Variants in CBL observed in about 807,000 individuals in gnomAD.
The protein encoded by CBL is Cbl proto-oncogene.
Under a neutral mutation model 96.9 loss-of-function variants are expected in CBL, and 45 were observed. The observed-to-expected ratio is 0.46, with a 90% CI of 0.37 to 0.60. The LOEUF (loss-of-function observed/expected upper bound fraction) is 0.60. Ranked by LOEUF, CBL falls within the 20% of genes least tolerant of loss-of-function variation. The pLI, the probability that CBL is intolerant of heterozygous loss-of-function variation, is 0.00. For missense variants in CBL, 1,024 were observed against 1,143.5 expected, an observed-to-expected ratio of 0.90 and a Z score of 1.51; for synonymous variants, 420 against 426.8, an observed-to-expected ratio of 0.98 and a Z score of 0.20.
intron 1 of CBL, among the ~76,000 whole-genome samples, chr11:119,228,418 C>T (rs952859831): frequency 1.2e-4 from 18 of 152,068 alleles, no homozygotes. Context: ...CCAGCCTGGC[C>T]AACATGGTGA....
rs767415438 is a variant in CBL, at chr11:119,300,144, G to A, written c.*363G>A. The A allele has an allele frequency of 1.9e-5, 9 of 467,214 alleles. No homozygotes were observed. The highest frequency in any genetic ancestry group is 1.3e-4 in the South Asian group (4 of 31,804). The allele number at this position is 467,214 out of a possible 1,614,324, so 28.9% of individuals were successfully genotyped here. ...GACTTCCTGGGTTAAGGATGTGGCC[G>A]TGTGTGTGTGTGTCTGCCTGTGGTT... On this transcript the variant is annotated 3_prime_UTR_variant, in exon 16 of 16. Transcript: ENST00000264033.
At chr11:119,275,082 G>A (rs1352945112) in intron 5 of CBL, 129 bp downstream of exon 5, 2 of 909,596 alleles carry the variant, frequency 2.2e-6, no homozygotes, top group African/African-American at 3.3e-5. Context: ...ATTGATACCT[G>A]TTTATCAGAC....
At position 119,206,384 on chromosome 11, in the gene CBL, G is replaced by A; in HGVS notation, c.-34G>A. On this transcript the variant is annotated 5_prime_UTR_variant, in exon 1 of 16. Coordinates refer to ENST00000264033, the MANE Select transcript of CBL (RefSeq NM_005188.4). Reference sequence around the variant, plus strand: ...CCTCGCTCGCAGTCGAGCCGAGCCGGCGGACCCGCCTGGGCTCCGACCCTG... The same window carrying A: ...CCTCGCTCGCAGTCGAGCCGAGCCGACGGACCCGCCTGGGCTCCGACCCTG... 4.1e-6 allele frequency: 6 copies of A among 1,465,464 alleles called. No individual in the cohort carries two copies. The South Asian group carries it at 5.2e-5, about 13-fold the overall frequency. 90.8% of individuals were successfully genotyped at this position (1,465,464 alleles called of 1,614,324 possible).
At chr11:119,238,368 C>T (rs925425594) in intron 2 of CBL, among the ~76,000 whole-genome samples, 1 of 151,962 alleles carries the variant, frequency 6.6e-6, no homozygotes, top group Non-Finnish European at 1.5e-5. Flanking sequence ...CACCACAACC[C>T]CTGGCTAAGT....
chr11:119,270,241 C>CTTTT (rs768214554), intron 2 of CBL, among the ~76,000 whole-genome samples: 4 of 119,816 alleles, frequency 3.3e-5, no homozygotes, highest in Admixed American at 8.6e-5. Context: ...TGTGTGACAT[C>CTTTT]TTTTTTTTTT....
chr11:119,284,037 T>G (rs1360924537), intron 9 of CBL, among the ~76,000 whole-genome samples: 1 of 152,130 alleles, frequency 6.6e-6, no homozygotes, highest in African/African-American at 2.4e-5. Flanking sequence ...CTTAAAAAAA[T>G]TTTTAGTTAA....
chr11:119,228,988 A>AT (rs1482935910), intron 1 of CBL, among the ~76,000 whole-genome samples: 2 of 151,318 alleles, frequency 1.3e-5, no homozygotes, highest in Non-Finnish European at 1.5e-5. Context: ...TTTTTTTTGT[A>AT]TTTTTTAGTA....
At chr11:119,278,339 C>G (rs765076552) in intron 8 of CBL, 42 bp downstream of exon 8, 2 of 1,611,350 alleles carry the variant, frequency 1.2e-6, no homozygotes, top group Non-Finnish European at 1.7e-6. Context: ...ATGTAATAAC[C>G]TTGGAAAATT....
chr11:119,278,375 C>A (rs929707353), intron 8 of CBL, 78 bp downstream of exon 8: 5 of 1,565,148 alleles, frequency 3.2e-6, no homozygotes, highest in Non-Finnish European at 3.5e-6. Context: ...TTTACTGATA[C>A]AAGGGGTGGC....
chr11:119,235,722 C>G (rs1010612877), intron 2 of CBL, among the ~76,000 whole-genome samples: 1 of 152,160 alleles, frequency 6.6e-6, no homozygotes, highest in African/African-American at 2.4e-5. Context: ...GTTGTTAAGG[C>G]TCAACTATAT....
chr11:119,296,257 T>A (rs1354950928), intron 12 of CBL, among the ~76,000 whole-genome samples: 1 of 152,054 alleles, frequency 6.6e-6, no homozygotes, highest in Non-Finnish European at 1.5e-5. Flanking sequence ...TTGTGTGTCT[T>A]TTTTTCCCCC....
At position 119,214,218 on chromosome 11, in the gene CBL, C is replaced by G. The variant is rs911755698; in HGVS notation, c.195+7606C>G. Among the ~76,000 whole-genome samples the G allele has an allele frequency of 1.5e-4, 22 of 151,334 alleles. 1 individual carries two copies. The highest frequency in any genetic ancestry group is 6.5e-3 in the Middle Eastern group (2 of 310). On this transcript the variant is annotated intron_variant, in intron 1 of 15. Transcript: ENST00000264033. ...TTGGCCTCCCAAAGTGCTGGGATTA[C>G]AGGCATGAGCCACCCCGCCCGGACT...
At position 119,251,385 on chromosome 11, in the gene CBL, A is replaced by G. The variant is rs189429976; in HGVS notation, c.443+18690A>G. Among the ~76,000 whole-genome samples the G allele has an allele frequency of 2.8e-3, 424 of 152,194 alleles. 1 individual carries two copies. Among genetic ancestry groups the G allele is most frequent in the Non-Finnish European group, 4.3e-3 (293 of 68,028 alleles). Reference sequence around the variant, plus strand: ...TGGTTCAACCCAAAAAAAAGATAAGATAAGTCTGCCTTTACCCAAGGTTTT... The same window carrying G: ...TGGTTCAACCCAAAAAAAAGATAAGGTAAGTCTGCCTTTACCCAAGGTTTT... On this transcript the variant is annotated intron_variant, in intron 2 of 15. Coordinates refer to ENST00000264033, the MANE Select transcript of CBL (RefSeq NM_005188.4).
intron 2 of CBL, among the ~76,000 whole-genome samples, chr11:119,268,093 A>G (rs764960910): frequency 3.9e-5 from 6 of 152,220 alleles, no homozygotes; most frequent in Non-Finnish European, 7.3e-5. Flanking sequence ...TTAGAAAGAT[A>G]GGTTAGATCC....
At chr11:119,298,324 T>A in intron 14 of CBL, 34 bp from the exon 15 acceptor site, 1 of 1,593,850 alleles carries the variant, frequency 6.3e-7, no homozygotes, top group Non-Finnish European at 8.6e-7. Context: ...ATGAAGTGCG[T>A]CAGAAGAAGA....
At position 119,276,070 on chromosome 11, in the gene CBL, C is replaced by T; in HGVS notation, c.943C>T (p.Leu315Phe). 6.2e-7 allele frequency: 1 copy of T among 1,614,022 alleles called. No homozygotes were observed. Among genetic ancestry groups the T allele is most frequent in the Non-Finnish European group, 8.5e-7 (1 of 1,179,922 alleles). ...GTATGTTACTGCTGATGGGAACATT[C>T]TCCAGACAATCCCTCACAATAAACC... The part of the protein sequence containing the change: ...IGYVTADGNI[L>F]QTIPHNKPLF... Residue 315 changes from leucine to phenylalanine, a missense_variant, in exon 6 of 16, where the codon CTC (leucine) becomes TTC (phenylalanine). By Grantham distance (22) the Leu-to-Phe change is conservative. Transcript: ENST00000264033.
intron 12 of CBL, among the ~76,000 whole-genome samples, chr11:119,292,337 TTTTCAC>T (rs1950033065): frequency 6.6e-6 from 1 of 152,060 alleles, no homozygotes; most frequent in Non-Finnish European, 1.5e-5. Context: ...ATGTTAGACC[TTTTCAC>T]TATGTCTCCG....
In CBL at chr11:119,285,345, T is replaced by A. The variant is rs1280982134; in HGVS notation, c.1720T>A (p.Ser574Thr). ...PLPCTPGDCP[S>T]RDKLPPVPSS... The stretch of plus-strand genomic sequence containing the variant: ...GCCTTGTACACCAGGCGACTGTCCC[T>A]CCAGAGACAAACTGCCCCCTGTCCC... Residue 574 changes from serine to threonine, a missense_variant, in exon 11 of 16, where the codon TCC becomes ACC. Coordinates refer to ENST00000264033, the MANE Select transcript of CBL (RefSeq NM_005188.4). The A allele has an allele frequency of 6.2e-7, 1 of 1,614,070 alleles. No individual in the cohort carries two copies.
chr11:119,285,600 A>G, intron 11 of CBL, 34 bp downstream of exon 11: 1 of 1,608,662 alleles, frequency 6.2e-7, no homozygotes, highest in Non-Finnish European at 8.5e-7. Flanking sequence ...CTAACCTGTT[A>G]AGAAATATGT....
Sources: allele counts gnomAD v4.1 joint callset (sites outside exome capture counted in the v4.1 genomes callset), GRCh38; gene constraint gnomAD v4.1.1; transcripts MANE v1.5; gene names NCBI Gene and HGNC (gene_info 2026-07-23, HGNC 2026-07-21).